PRKCH: variants seen among roughly 807,000 people sequenced by gnomAD.
The protein encoded by PRKCH is protein kinase C eta.
In PRKCH, 28 loss-of-function variants were observed where a neutral mutation model predicts 82.5. The ratio of observed to expected loss-of-function variants is 0.34; its 90% CI spans 0.25 to 0.47. The LOEUF is 0.47. Among genes scored for constraint, PRKCH ranks in the 20% least tolerant of loss-of-function variants. PRKCH has a pLI of 1.00. For missense variants in PRKCH, 705 were observed against 881.8 expected, an observed-to-expected ratio of 0.80 and a Z score of 2.54; for synonymous variants, 322 against 327.4, an observed-to-expected ratio of 0.98 and a Z score of 0.18.
intron 2 of PRKCH, among the ~76,000 whole-genome samples, chr14:61,419,471 A>G (rs1882721977): frequency 6.6e-6 from 1 of 152,232 alleles, no homozygotes; most frequent in African/African-American, 2.4e-5. Flanking sequence ...TCCAGATGAC[A>G]TAAGTGGCAC....
intron 1 of PRKCH, among the ~76,000 whole-genome samples, chr14:61,265,111 C>G (rs1566799418): frequency 6.6e-6 from 1 of 152,100 alleles, no homozygotes; most frequent in African/African-American, 2.4e-5. Context: ...TAACCTTTTT[C>G]AAATTCTCAG....
intron 1 of PRKCH, among the ~76,000 whole-genome samples, chr14:61,328,403 T>A (rs190266276): frequency 0.011 from 1,440 of 125,310 alleles, 28 homozygotes; most frequent in African/African-American, 0.039. Context: ...TTGTAATACG[T>A]TATAACGTTT....
At chr14:61,262,634 G>A (rs1419217779) in intron 1 of PRKCH, among the ~76,000 whole-genome samples, 4 of 152,164 alleles carry the variant, frequency 2.6e-5, no homozygotes, top group Middle Eastern at 3.4e-3. Context: ...TGAATACAGC[G>A]GACAAAATGC....
At chr14:61,417,260 T>G (rs1431612882) in intron 2 of PRKCH, among the ~76,000 whole-genome samples, 1 of 152,222 alleles carries the variant, frequency 6.6e-6, no homozygotes, top group African/African-American at 2.4e-5. Flanking sequence ...CTGGACCCAA[T>G]TGCTTTACCA....
At chr14:61,193,029 G>A (rs544481796) in intron 1 of PRKCH, among the ~76,000 whole-genome samples, 76 of 152,332 alleles carry the variant, frequency 5.0e-4, no homozygotes, top group Non-Finnish European at 9.1e-4. Flanking sequence ...TTTCTGTTAA[G>A]AGGGAGTATT....
At chr14:61,385,923 C>T (rs2046580827) in intron 1 of PRKCH, among the ~76,000 whole-genome samples, 2 of 152,070 alleles carry the variant, frequency 1.3e-5, no homozygotes, top group African/African-American at 4.8e-5. Context: ...GGAAAGGTCC[C>T]CCTATACAGG....
intron 1 of PRKCH, among the ~76,000 whole-genome samples, chr14:61,239,482 C>T (rs1486200543): frequency 1.3e-5 from 2 of 152,212 alleles, no homozygotes; most frequent in African/African-American, 2.4e-5. Flanking sequence ...GTAACTGCTT[C>T]GAGGTACCCG....
chr14:61,545,894 C>A (rs890132082), intron 12 of PRKCH, among the ~76,000 whole-genome samples: 2 of 152,176 alleles, frequency 1.3e-5, no homozygotes, highest in Non-Finnish European at 2.9e-5. Context: ...CATATAGAGT[C>A]CTGCACTGTT....
intron 1 of PRKCH, among the ~76,000 whole-genome samples, chr14:61,370,907 T>A (rs1210458259): frequency 6.6e-6 from 1 of 152,042 alleles, no homozygotes; most frequent in Non-Finnish European, 1.5e-5. Context: ...AAATGGGATG[T>A]GCTGTGACAC....
rs775978173 is a variant in PRKCH at position 61,530,548 on chromosome 14, G to T, written c.1714G>T (p.Val572Phe). 1.2e-6 allele frequency: 2 copies of T among 1,610,232 alleles called. No individual in the cohort carries two copies. The highest frequency in any genetic ancestry group is 3.4e-5 in the Admixed American group (2 of 59,340). The change falls in exon 12 of 14, where the codon GTC (valine) becomes TTC (phenylalanine). Residue 572 changes from valine to phenylalanine, a missense_variant. Val to Phe is a conservative substitution (Grantham distance 50). Around this residue, in one of 5 missense-constraint regions of PRKCH, gnomAD observed 115 missense variants for 193.8 expected, o/e 0.59. Transcript: ENST00000332981. ...LFEAILNDEV[V>F]YPTWLHEDAT... ...TGAGGCCATACTGAATGATGAGGTG[G>T]TCTACCCTACCTGGCTCCATGAAGA...
intron 1 of PRKCH, among the ~76,000 whole-genome samples, chr14:61,206,584 G>A (rs1232564122): frequency 1.3e-5 from 2 of 152,182 alleles, no homozygotes; most frequent in African/African-American, 4.8e-5. Flanking sequence ...CATGGAGAAA[G>A]ATAGGGGAGT....
intron 9 of PRKCH, among the ~76,000 whole-genome samples, chr14:61,471,758 A>G (rs568017286): frequency 6.6e-6 from 1 of 152,116 alleles, no homozygotes; most frequent in Non-Finnish European, 1.5e-5. Flanking sequence ...GTGGATGTTT[A>G]GCAGCATCCC....
chr14:61,212,279 AGT>A (rs1366382278), intron 1 of PRKCH, among the ~76,000 whole-genome samples: 1 of 152,220 alleles, frequency 6.6e-6, no homozygotes, highest in African/African-American at 2.4e-5. Flanking sequence ...AGAATTGCAG[AGT>A]GTTTTTCAAT....
In PRKCH at chr14:61,473,946, A is replaced by G. The variant is rs1459795326; in HGVS notation, c.1279-11556A>G. Among the ~76,000 whole-genome samples, 4 of 151,982 alleles carry G rather than the reference A, an allele frequency of 2.6e-5. 1 individual carries two copies. The highest frequency in any genetic ancestry group is 4.1e-4 in the South Asian group (2 of 4,824). Reference sequence around the variant, plus strand: ...GAGGCAAAGGTTGCAGTGAACCAAGATCACGCCATTGCACTCCAGCCTGGG... The same window carrying G: ...GAGGCAAAGGTTGCAGTGAACCAAGGTCACGCCATTGCACTCCAGCCTGGG... On this transcript the variant is annotated intron_variant, in intron 9 of 13. Transcript: ENST00000332981.
intron 1 of PRKCH, among the ~76,000 whole-genome samples, chr14:61,227,958 CT>C (rs554630017): frequency 4.5e-4 from 68 of 152,300 alleles, no homozygotes; most frequent in African/African-American, 1.5e-3. Context: ...GCACCACAAA[CT>C]TTTCTTAACC....
At chr14:61,250,594 G>C (rs548062038) in intron 1 of PRKCH, among the ~76,000 whole-genome samples, 1 of 152,224 alleles carries the variant, frequency 6.6e-6, no homozygotes, top group Admixed American at 6.5e-5. Context: ...AGGGGGAGGA[G>C]GGGACGGATA....
At chr14:61,269,833 C>T (rs549600055) in intron 1 of PRKCH, among the ~76,000 whole-genome samples, 201 of 152,332 alleles carry the variant, frequency 1.3e-3, no homozygotes, top group Non-Finnish European at 2.2e-3. Context: ...AAATTGTACG[C>T]TGCGTTCCGT....
Position 61,215,943 on chromosome 14 carries a change from T to C in PRKCH, c.-19+28275T>C, listed in dbSNP as rs557391209. Among the ~76,000 whole-genome samples the C allele has an allele frequency of 4.7e-4, 72 of 152,330 alleles. 1 individual carries two copies. The South Asian group carries it at 0.014, about 30-fold the overall frequency. On this transcript the variant is annotated intron_variant, in intron 1 of 3. Coordinates refer to the PRKCH transcript ENST00000555185. The stretch of plus-strand genomic sequence containing the variant: ...TGCTGCTTAGAACTGGTAAGGGTTT[T>C]AAGACGCATCCAGGAGAACAACAAG...
intron 1 of PRKCH, among the ~76,000 whole-genome samples, chr14:61,224,068 A>G (rs75953610): frequency 0.011 from 1,644 of 152,330 alleles, 20 homozygotes; most frequent in African/African-American, 0.038. Flanking sequence ...TGACATTTTA[A>G]CAGTGTGCAC....
Sources: allele counts gnomAD v4.1 joint callset (sites outside exome capture counted in the v4.1 genomes callset), GRCh38; gene constraint gnomAD v4.1.1; regional missense constraint gnomAD v4.1.1; transcripts MANE v1.5; gene names NCBI Gene and HGNC (gene_info 2026-07-23, HGNC 2026-07-21).